KIDINS220: variants seen among roughly 807,000 people sequenced by gnomAD.
KIDINS220 encodes the protein kinase D-interacting substrate of 220 kDa.
Under a neutral mutation model 157.6 loss-of-function variants are expected in KIDINS220, and 63 were observed. The ratio of observed to expected loss-of-function variants is 0.40; its 90% confidence interval spans 0.33 to 0.49. The LOEUF (loss-of-function observed/expected upper bound fraction) is 0.49. KIDINS220 is among the 20% of genes least tolerant of loss of function. The pLI, the probability that KIDINS220 is intolerant of heterozygous loss-of-function variation, is 0.66. For synonymous variants in KIDINS220, 732 were observed against 783.6 expected, an observed-to-expected ratio of 0.93 and a Z score of 1.10; for missense variants, 1,772 against 2,171.2, an observed-to-expected ratio of 0.82 and a Z score of 3.65.
At chr2:8,818,054 T>C (rs1677343267) in intron 3 of KIDINS220, among the ~76,000 whole-genome samples, 1 of 152,148 alleles carries the variant, frequency 6.6e-6, no homozygotes. Flanking sequence ...GTAATATAAA[T>C]TGGAATTAAA....
In KIDINS220 at chr2:8,733,481, T is replaced by A. The variant is rs1191422465; in HGVS notation, c.4016A>T (p.Asp1339Val). 3 of 1,613,992 alleles carry A rather than the reference T, an allele frequency of 1.9e-6. No homozygotes were observed. The highest frequency in any genetic ancestry group is 3.3e-5 in the Admixed American group (2 of 59,994). The change falls in exon 29 of 30, where the codon GAT becomes GTT. Residue 1339 changes from aspartate to valine, a missense_variant. Around this residue, in one of 3 missense-constraint regions of KIDINS220, gnomAD observed 793 missense variants for 885.5 expected, o/e 0.90. Transcript: ENST00000256707. The stretch of plus-strand genomic sequence containing the variant: ...ATTACTGTGACGAGGGGCACCTTCA[T>A]CCAGGCCAAGCGTGTTCAGCTCTTC... The part of the protein sequence containing the change: ...SFEELNTLGL[D>V]EGAPRHSNLS...
chr2:8,725,919 C>T (rs1376475559), downstream of KIDINS220, among the ~76,000 whole-genome samples: 7 of 152,160 alleles, frequency 4.6e-5, no homozygotes, highest in East Asian at 1.3e-3. Context: ...GTAAATAACA[C>T]TACAAAAAGC....
At chr2:8,800,639 G>A in intron 8 of KIDINS220, 141 bp from the exon 9 acceptor site, 1 of 616,896 alleles carries the variant, frequency 1.6e-6, no homozygotes, top group Non-Finnish European at 2.8e-6. Context: ...AGAGAAAAAT[G>A]TTACTTAACT....
chr2:8,831,766 C>G (rs927609569), intron 1 of KIDINS220, among the ~76,000 whole-genome samples: 3 of 152,164 alleles, frequency 2.0e-5, no homozygotes, highest in African/African-American at 7.2e-5. Flanking sequence ...GGGAACTGAC[C>G]CGGCACACAC....
chr2:8,794,172 C>T (rs1673591679), intron 11 of KIDINS220, 185 bp from the exon 12 acceptor site: 1 of 439,342 alleles, frequency 2.3e-6, no homozygotes, highest in East Asian at 3.8e-5. Context: ...GCTCCTCATC[C>T]AGCTTTGCTC....
chr2:8,798,613 A>C (rs968628151), intron 9 of KIDINS220, among the ~76,000 whole-genome samples: 3 of 152,244 alleles, frequency 2.0e-5, no homozygotes, highest in African/African-American at 7.2e-5. Context: ...GTAAACTCAG[A>C]CATGTCACTT....
At chr2:8,771,746 T>C (rs2148167496) in intron 21 of KIDINS220, among the ~76,000 whole-genome samples, 1 of 152,298 alleles carries the variant, frequency 6.6e-6, no homozygotes, top group South Asian at 2.1e-4. Flanking sequence ...AATCCAATTC[T>C]TCCTATATCA....
intron 17 of KIDINS220, among the ~76,000 whole-genome samples, chr2:8,783,126 G>C (rs1671919840): frequency 6.6e-6 from 1 of 151,794 alleles, no homozygotes; most frequent in Non-Finnish European, 1.5e-5. Context: ...GAACCCGTAA[G>C]GTGGAGGTTG....
intron 26 of KIDINS220, among the ~76,000 whole-genome samples, chr2:8,744,130 AAT>A (rs1037889978): frequency 9.6e-5 from 14 of 145,364 alleles, no homozygotes; most frequent in South Asian, 4.2e-4. Flanking sequence ...TTATAATATA[AAT>A]ATGTTATATA....
At chr2:8,829,335 C>G (rs1679280661) in intron 1 of KIDINS220, among the ~76,000 whole-genome samples, 1 of 152,094 alleles carries the variant, frequency 6.6e-6, no homozygotes. Flanking sequence ...GTATACCTTA[C>G]TTTTAGGGAG....
chr2:8,726,274 T>C (rs750332177), downstream of KIDINS220, among the ~76,000 whole-genome samples: 51 of 152,344 alleles, frequency 3.3e-4, 1 homozygote, highest in Middle Eastern at 3.4e-3. Flanking sequence ...AAAGGGCTTC[T>C]GAGTTCCAGA....
chr2:8,746,140 T>C (rs1432946677), intron 26 of KIDINS220, among the ~76,000 whole-genome samples: 1 of 151,638 alleles, frequency 6.6e-6, no homozygotes, highest in Non-Finnish European at 1.5e-5. Context: ...CTCGCTCTTG[T>C]TGCCGAGGCT....
At chr2:8,833,852 T>C (rs933718606) in intron 1 of KIDINS220, among the ~76,000 whole-genome samples, 1 of 152,212 alleles carries the variant, frequency 6.6e-6, no homozygotes, top group African/African-American at 2.4e-5. Flanking sequence ...AACTTGCCAA[T>C]TTAATAGGCA....
Position 8,813,230 on chromosome 2 carries a change from T to G in KIDINS220, c.405+7A>C. On this transcript the variant is annotated splice_region_variant and intron_variant, in intron 5 of 29. Transcript: ENST00000256707. ...TAATACAAACAAATTTTTTTGTTAATGCTTACCAGACCAGTGACACTTGGA... is the reference window on the plus strand; with the variant it reads ...TAATACAAACAAATTTTTTTGTTAAGGCTTACCAGACCAGTGACACTTGGA... 6.2e-7 allele frequency: 1 copy of G among 1,604,348 alleles called. No homozygotes were observed. Among genetic ancestry groups the G allele is most frequent in the Non-Finnish European group, 8.5e-7 (1 of 1,175,216 alleles).
chr2:8,754,115 G>C (rs1262600532), intron 22 of KIDINS220, among the ~76,000 whole-genome samples: 1 of 152,178 alleles, frequency 6.6e-6, no homozygotes, highest in African/African-American at 2.4e-5. Context: ...ATACTAAAAA[G>C]AGAAGCTAGA....
At chr2:8,727,739 T>G (rs1455416888), downstream of KIDINS220, among the ~76,000 whole-genome samples, 1 of 152,240 alleles carries the variant, frequency 6.6e-6, no homozygotes, top group African/African-American at 2.4e-5. Context: ...AAAATCATTC[T>G]GACCACTATA....
At chr2:8,774,002 A>G (rs4669337) in intron 21 of KIDINS220, among the ~76,000 whole-genome samples, 151,952 of 152,340 alleles carry the variant, frequency 1, 75,785 homozygotes, top group Middle Eastern at 1. Context: ...TGAGAAAACA[A>G]CAATAAGAAA....
At chr2:8,759,674 G>C (rs954123917) in intron 22 of KIDINS220, among the ~76,000 whole-genome samples, 1 of 151,528 alleles carries the variant, frequency 6.6e-6, no homozygotes, top group Non-Finnish European at 1.5e-5. Flanking sequence ...GTAAGGCACT[G>C]TCTTCATTCA....
At chr2:8,771,714 T>A (rs1670262367) in intron 21 of KIDINS220, among the ~76,000 whole-genome samples, 1 of 152,194 alleles carries the variant, frequency 6.6e-6, no homozygotes, top group South Asian at 2.1e-4. Flanking sequence ...GATATAGATA[T>A]ACATATAGAT....
Sources: gnomAD v4.1 joint callset for allele counts (sites outside exome capture counted in the v4.1 genomes callset) on GRCh38, gnomAD v4.1.1 for gene constraint, gnomAD v4.1.1 regional missense constraint, MANE v1.5 for transcripts, NCBI Gene and HGNC (gene_info 2026-07-23, HGNC 2026-07-21) for gene names.